KPNA1: variants seen among roughly 807,000 people sequenced by gnomAD.
The protein encoded by KPNA1 is importin subunit alpha-5.
A neutral mutation model predicts 70.5 loss-of-function variants in KPNA1; 10 were observed. That is an observed-to-expected ratio of 0.14 (90% CI 0.09 to 0.24). The LOEUF is 0.24. Ranked by LOEUF, KPNA1 falls within the 10% of genes least tolerant of loss-of-function variation. The pLI, the probability that KPNA1 is intolerant of heterozygous loss-of-function variation, is 1.00. For missense variants in KPNA1, 397 were observed against 637.9 expected (o/e 0.62, Z 4.07); for synonymous variants, 192 against 221.9 (o/e 0.87, Z 1.20).
chr3:122,454,309 A>T (rs923485241), intron 5 of KPNA1, among the ~76,000 whole-genome samples: 2 of 152,250 alleles, frequency 1.3e-5, no homozygotes, highest in Non-Finnish European at 2.9e-5. Flanking sequence ...AACAAAATGC[A>T]AACAGTGTAC....
At chr3:122,463,275 G>C (rs988298008) in intron 4 of KPNA1, among the ~76,000 whole-genome samples, 1 of 151,864 alleles carries the variant, frequency 6.6e-6, no homozygotes, top group African/African-American at 2.4e-5. Flanking sequence ...GTGAACCCGG[G>C]AGGCGGCGCT....
At chr3:122,512,214 T>TA (rs200030053) in intron 1 of KPNA1, among the ~76,000 whole-genome samples, 14,132 of 145,584 alleles carry the variant, frequency 0.097, 1,517 homozygotes, top group African/African-American at 0.27. Flanking sequence ...ATCATTAGTT[T>TA]AAAAAAAAAA....
At chr3:122,452,615 G>A (rs1295112992) in intron 6 of KPNA1, among the ~76,000 whole-genome samples, 31 of 73,108 alleles carry the variant, frequency 4.2e-4, no homozygotes, top group East Asian at 2.4e-3. Flanking sequence ...GGAAGGGAGG[G>A]AGGGAAAGGA....
chr3:122,457,808 T>C (rs1473285960), intron 5 of KPNA1: 1 of 1,289,768 alleles, frequency 7.8e-7, no homozygotes, highest in African/African-American at 1.5e-5. Flanking sequence ...GCTGGCCACT[T>C]TGCCGGTTCC....
intron 1 of KPNA1, among the ~76,000 whole-genome samples, chr3:122,512,656 C>CA (rs370382054): frequency 1.7e-4 from 26 of 152,128 alleles, no homozygotes; most frequent in African/African-American, 6.3e-4. Context: ...ACCAGGGAGG[C>CA]AGAGGCTGCA....
At chr3:122,452,527 AAG>A (rs2076214090) in intron 6 of KPNA1, among the ~76,000 whole-genome samples, 1 of 48,010 alleles carries the variant, frequency 2.1e-5, no homozygotes, top group African/African-American at 7.2e-5. Flanking sequence ...GGAAGGAGGG[AAG>A]GAGGGAAGGA....
chr3:122,430,359 T>C (rs1025458768), intron 12 of KPNA1, among the ~76,000 whole-genome samples: 1 of 152,184 alleles, frequency 6.6e-6, no homozygotes, highest in African/African-American at 2.4e-5. Flanking sequence ...GTTGGGGATG[T>C]TTCCTTGACC....
chr3:122,456,381 G>T (rs1256753727), intron 5 of KPNA1, among the ~76,000 whole-genome samples: 1 of 152,034 alleles, frequency 6.6e-6, no homozygotes, highest in Non-Finnish European at 1.5e-5. Flanking sequence ...AAAAAAATAA[G>T]ATCAGAATAC....
At chr3:122,502,037 T>A (rs922588216) in intron 1 of KPNA1, among the ~76,000 whole-genome samples, 1 of 152,242 alleles carries the variant, frequency 6.6e-6, no homozygotes, top group Non-Finnish European at 1.5e-5. Flanking sequence ...GATGCAAACC[T>A]GGGTTGAGAA....
At chr3:122,477,860 CAA>C (rs35446717) in intron 2 of KPNA1, among the ~76,000 whole-genome samples, 379 of 144,608 alleles carry the variant, frequency 2.6e-3, no homozygotes, top group Middle Eastern at 7.1e-3. Context: ...ATATCTGTAT[CAA>C]AAAAAAAAAA....
intron 2 of KPNA1, among the ~76,000 whole-genome samples, chr3:122,479,690 G>A (rs1040366345): frequency 2.0e-5 from 3 of 152,112 alleles, no homozygotes; most frequent in Non-Finnish European, 4.4e-5. Flanking sequence ...AACCAAGGAG[G>A]CAGAGGCTGC....
chr3:122,505,446 T>C (rs987096207), intron 1 of KPNA1, among the ~76,000 whole-genome samples: 1 of 152,158 alleles, frequency 6.6e-6, no homozygotes, highest in Non-Finnish European at 1.5e-5. Flanking sequence ...TAAATCTCTA[T>C]GTCTGTAATA....
chr3:122,479,647 CT>C (rs1450468230), intron 2 of KPNA1, among the ~76,000 whole-genome samples: 2 of 152,096 alleles, frequency 1.3e-5, no homozygotes, highest in Non-Finnish European at 2.9e-5. Flanking sequence ...GTAATCCCAG[CT>C]ACTCGGGAGG....
chr3:122,448,293 T>G (rs936964908), intron 9 of KPNA1, among the ~76,000 whole-genome samples: 1 of 151,966 alleles, frequency 6.6e-6, no homozygotes, highest in Non-Finnish European at 1.5e-5. Context: ...CAAAGACACA[T>G]CCATGTTTAT....
intron 5 of KPNA1, among the ~76,000 whole-genome samples, chr3:122,456,289 G>A (rs9968189): frequency 0.14 from 21,159 of 152,010 alleles, 1,579 homozygotes; most frequent in East Asian, 0.32. Flanking sequence ...CCACAAGGCA[G>A]GCTCAAAGTT....
At chr3:122,445,830 A>G (rs142151234) in intron 9 of KPNA1, among the ~76,000 whole-genome samples, 182 of 152,310 alleles carry the variant, frequency 1.2e-3, no homozygotes, top group Non-Finnish European at 1.9e-3. Context: ...AGGAAGATGT[A>G]CAAAGCACAT....
chr3:122,496,369 A>G, intron 2 of KPNA1, 68 bp downstream of exon 2: 2 of 1,350,662 alleles, frequency 1.5e-6, no homozygotes, highest in South Asian at 2.4e-5. Context: ...GCTAAAATGA[A>G]GATAGTTTCA....
chr3:122,455,729 T>C (rs543126152), intron 5 of KPNA1, among the ~76,000 whole-genome samples: 3 of 152,260 alleles, frequency 2.0e-5, no homozygotes, highest in African/African-American at 7.2e-5. Context: ...CTAATTTTTA[T>C]ATTTTTAGTA....
In KPNA1 at chr3:122,425,739, A is replaced by T. The variant is rs2075814786; in HGVS notation, c.*1246T>A. Reference sequence around the variant, plus strand: ...GTGTGGGGGGAGGGGGAAGCGGCACAGTACTAGCAGGAGATGAAATAAAAT... The same window carrying T: ...GTGTGGGGGGAGGGGGAAGCGGCACTGTACTAGCAGGAGATGAAATAAAAT... On this transcript the variant is annotated 3_prime_UTR_variant, in exon 14 of 14. Coordinates refer to ENST00000344337, the MANE Select transcript of KPNA1 (RefSeq NM_002264.4). 6.6e-6 allele frequency: 1 copy of T among 152,624 alleles called. No individual in the cohort carries two copies. The highest frequency in any genetic ancestry group is 2.4e-5 in the African/African-American group (1 of 41,446). The allele number at this position is 152,624 out of a possible 1,614,324, so 9.5% of individuals were successfully genotyped here.
Sources: gnomAD v4.1 joint callset for allele counts (sites outside exome capture counted in the v4.1 genomes callset) on GRCh38, gnomAD v4.1.1 for gene constraint, MANE v1.5 for transcripts, NCBI Gene and HGNC (gene_info 2026-07-23, HGNC 2026-07-21) for gene names.